ERICH6B: variants seen among roughly 807,000 people sequenced by gnomAD.
The protein encoded by ERICH6B is glutamate rich 6B.
In ERICH6B, 69 loss-of-function variants were observed where a neutral mutation model predicts 80.0. The observed-to-expected ratio is 0.86, with a 90% CI of 0.71 to 1.05. ERICH6B has a LOEUF of 1.05. Ranked by LOEUF, ERICH6B falls within the 50% of genes least tolerant of loss-of-function variation. ERICH6B has a pLI of 0.00. For synonymous variants in ERICH6B, 283 were observed against 291.9 expected, an observed-to-expected ratio of 0.97 and a Z score of 0.31; for missense variants, 754 against 796.1, an observed-to-expected ratio of 0.95 and a Z score of 0.64.
rs930366507 is a variant in ERICH6B, at chr13:45,596,470, T to C, written c.536A>G (p.Glu179Gly). The C allele has an allele frequency of 1.9e-6, 3 of 1,551,598 alleles. No individual in the cohort carries two copies. The highest frequency in any genetic ancestry group is 2.6e-6 in the Non-Finnish European group (3 of 1,146,662). Residue 179 changes from glutamate to glycine, a missense_variant, in exon 3 of 15, where the codon GAA becomes GGA. By Grantham distance (98) the Glu-to-Gly change is moderately conservative (BLOSUM62 -2). Transcript: ENST00000298738. ...YLGKKSYLEE[E>G]KALEKEENLE... ...ATTCTCTTCCTTCTCCAGAGCCTTT[T>C]CCTCTTCTAGATATGATTTCTTCCC...
At chr13:45,588,130 A>G (rs1431016521) in intron 4 of ERICH6B, among the ~76,000 whole-genome samples, 1 of 152,182 alleles carries the variant, frequency 6.6e-6, no homozygotes, top group Non-Finnish European at 1.5e-5. Context: ...CAGGGAACTC[A>G]GTGTAGGGGC....
At chr13:45,615,518 A>G (rs1177501113) in intron 1 of ERICH6B, among the ~76,000 whole-genome samples, 167 bp downstream of exon 1, 1 of 152,208 alleles carries the variant, frequency 6.6e-6, no homozygotes, top group African/African-American at 2.4e-5. Flanking sequence ...GGCGAGAGAA[A>G]CAAAGAAGTC....
chr13:45,542,498 G>A (rs1873819452), intron 14 of ERICH6B, among the ~76,000 whole-genome samples: 1 of 152,188 alleles, frequency 6.6e-6, no homozygotes, highest in East Asian at 1.9e-4. Flanking sequence ...TTTGGGACAT[G>A]CCCTGCACAG....
intron 1 of ERICH6B, 140 bp from the exon 2 acceptor site, chr13:45,607,755 G>T (rs895778019): frequency 6.6e-6 from 1 of 152,104 alleles, no homozygotes; most frequent in Admixed American, 6.5e-5. Flanking sequence ...CTTCCTTAAA[G>T]TTCCTTGGTC....
intron 3 of ERICH6B, among the ~76,000 whole-genome samples, chr13:45,591,344 C>T: frequency 6.6e-6 from 1 of 152,204 alleles, no homozygotes; most frequent in East Asian, 1.9e-4. Flanking sequence ...TGCCTGTAAT[C>T]CCAGCACTGT....
intron 11 of ERICH6B, 110 bp downstream of exon 11, chr13:45,561,259 T>C (rs1874660282): frequency 3.5e-6 from 4 of 1,135,128 alleles, no homozygotes; most frequent in South Asian, 3.6e-5. Context: ...CATTTTTGTG[T>C]TTACATTGTG....
chr13:45,553,119 TG>T, intron 11 of ERICH6B: 2 of 365,466 alleles, frequency 5.5e-6, no homozygotes. Flanking sequence ...GATCAGATTC[TG>T]GTATTTGTGC....
chr13:45,608,724 G>A (rs1949883164), intron 1 of ERICH6B, among the ~76,000 whole-genome samples: 1 of 152,188 alleles, frequency 6.6e-6, no homozygotes, highest in African/African-American at 2.4e-5. Context: ...CAATTTCTGT[G>A]TATTAAATTG....
At chr13:45,599,196 G>A (rs1046884480) in intron 2 of ERICH6B, among the ~76,000 whole-genome samples, 1 of 152,202 alleles carries the variant, frequency 6.6e-6, no homozygotes, top group African/African-American at 2.4e-5. Flanking sequence ...AGAAAAACAA[G>A]GCCTCACTGG....
chr13:45,595,546 T>G (rs1876327821), intron 3 of ERICH6B, among the ~76,000 whole-genome samples: 1 of 151,972 alleles, frequency 6.6e-6, no homozygotes, highest in African/African-American at 2.4e-5. Context: ...TGTATATATA[T>G]AAAATAAGTC....
intron 2 of ERICH6B, among the ~76,000 whole-genome samples, chr13:45,603,262 G>A (rs1311116939): frequency 6.6e-6 from 1 of 152,186 alleles, no homozygotes; most frequent in Non-Finnish European, 1.5e-5. Flanking sequence ...TACTCCACCA[G>A]TTCCAGTGCT....
chr13:45,557,762 G>T (rs1293436745), intron 11 of ERICH6B, among the ~76,000 whole-genome samples: 4 of 152,042 alleles, frequency 2.6e-5, no homozygotes, highest in South Asian at 2.1e-4. Flanking sequence ...TTTATTGCTG[G>T]GTTCTCTATT....
At chr13:45,579,856 C>G in intron 7 of ERICH6B, 77 bp downstream of exon 7, 1 of 1,440,688 alleles carries the variant, frequency 6.9e-7, no homozygotes, top group Non-Finnish European at 9.6e-7. Flanking sequence ...AGGGAGCCAC[C>G]TGCTAGGGGC....
intron 14 of ERICH6B, 115 bp from the exon 15 acceptor site, chr13:45,541,795 G>C: frequency 1.1e-6 from 1 of 910,044 alleles, no homozygotes; most frequent in Non-Finnish European, 1.7e-6. Context: ...CTTCACTCGA[G>C]AAAGCACATC....
Position 45,550,234 on chromosome 13 carries a change from A to G in ERICH6B, c.1490T>C (p.Ile497Thr). ...QILFPDGTGQ[I>T]HYPSGNLAML... is the part of the protein sequence containing the mutation. ...ATCCCTGTGCTTCTGTGGATACTGT[A>G]TCTGGCCTGTCCCATCAGGAAAGAG... Residue 497 changes from isoleucine (I) to threonine (T), a missense_variant, in exon 12 of 15, where the codon ATA becomes ACA. Coordinates refer to ENST00000298738, the MANE Select transcript of ERICH6B (RefSeq NM_182542.3). The G allele has an allele frequency of 1.3e-6, 2 of 1,551,294 alleles. No individual in the cohort carries two copies. Among genetic ancestry groups the G allele is most frequent in the Non-Finnish European group, 1.7e-6 (2 of 1,146,654 alleles).
intron 11 of ERICH6B, among the ~76,000 whole-genome samples, chr13:45,559,232 G>A (rs909063187): frequency 6.6e-6 from 1 of 152,030 alleles, no homozygotes; most frequent in Non-Finnish European, 1.5e-5. Flanking sequence ...CTGTATTTCT[G>A]TGGTGTCAGT....
At chr13:45,591,091 T>C (rs1319480777) in intron 3 of ERICH6B, among the ~76,000 whole-genome samples, 1 of 152,254 alleles carries the variant, frequency 6.6e-6, no homozygotes, top group Non-Finnish European at 1.5e-5. Flanking sequence ...AATCACCTGA[T>C]TGTTTGCCTT....
chr13:45,589,757 G>A (rs949819078), intron 4 of ERICH6B, among the ~76,000 whole-genome samples: 2 of 152,186 alleles, frequency 1.3e-5, no homozygotes, highest in South Asian at 2.1e-4. Context: ...CACTTGCTTT[G>A]AGTGTCAGCG....
chr13:45,541,559 G>A lies in ERICH6B; in HGVS notation c.1994C>T (p.Ala665Val), dbSNP rs764874398. ...GAAGTTTTCCAGATCAGGGGTGGTCGCGTAATTCAGGAGCCTATTCATTTT... is the reference window on the plus strand; with the variant it reads ...GAAGTTTTCCAGATCAGGGGTGGTCACGTAATTCAGGAGCCTATTCATTTT... ...LGKMNRLLNY[A>V]TTPDLENFIE... Residue 665 changes from alanine to valine, a missense_variant, in exon 15 of 15, where the codon GCG (alanine) becomes GTG (valine). Physicochemically the swap from Ala to Val is moderately conservative, Grantham distance 64 (BLOSUM62 0). Coordinates refer to ENST00000298738, the MANE Select transcript of ERICH6B (RefSeq NM_182542.3). 12 of 1,551,956 alleles carry A rather than the reference G, an allele frequency of 7.7e-6. No homozygotes were observed. The highest frequency in any genetic ancestry group is 2.4e-5 in the South Asian group (2 of 84,058).
Sources: allele counts gnomAD v4.1 joint callset (sites outside exome capture counted in the v4.1 genomes callset), GRCh38; gene constraint gnomAD v4.1.1; transcripts MANE v1.5; gene names NCBI Gene and HGNC (gene_info 2026-07-23, HGNC 2026-07-21).